The following KIAA1671 variants were observed in gnomAD, a reference collection of about 807,000 sequenced individuals.
The protein encoded by KIAA1671 is KIAA1671.
Under a neutral mutation model 131.2 loss-of-function variants are expected in KIAA1671, and 52 were observed. The observed-to-expected ratio is 0.40, with a 90% CI of 0.32 to 0.50. The LOEUF is 0.50. Ranked by LOEUF, KIAA1671 falls within the 20% of genes least tolerant of loss-of-function variation. KIAA1671 has a pLI of 0.73. For missense variants in KIAA1671, 2,360 were observed against 2,364.2 expected (o/e 1.00, Z 0.04); for synonymous variants, 1,003 against 961.6 (o/e 1.04, Z -0.80).
chr22:24,955,649 C>T (rs1309955337), intron 1 of KIAA1671, among the ~76,000 whole-genome samples: 1 of 152,114 alleles, frequency 6.6e-6, no homozygotes, highest in Non-Finnish European at 1.5e-5. Flanking sequence ...TTTTGGGAAG[C>T]TTGCCCTGGC....
At chr22:25,173,751 C>G (rs995636314) in intron 7 of KIAA1671, among the ~76,000 whole-genome samples, 1 of 152,074 alleles carries the variant, frequency 6.6e-6, no homozygotes, top group Non-Finnish European at 1.5e-5. Context: ...TTATCAGAAC[C>G]AAGGGATCCA....
intron 6 of KIAA1671, chr22:25,112,564 C>T: frequency 2.5e-6 from 1 of 396,436 alleles, no homozygotes; most frequent in Non-Finnish European, 4.4e-6. Context: ...GGGGAAGTTA[C>T]TTCTTCCAGA....
intron 6 of KIAA1671, among the ~76,000 whole-genome samples, chr22:25,099,042 G>A (rs970098436): frequency 5.3e-5 from 8 of 152,182 alleles, no homozygotes; most frequent in Non-Finnish European, 1.0e-4. Context: ...TGGAAATGAC[G>A]GGGGTGGGGC....
At chr22:25,102,759 A>G (rs1192458701) in intron 6 of KIAA1671, 4 of 152,528 alleles carry the variant, frequency 2.6e-5, no homozygotes, top group East Asian at 1.9e-4. Context: ...AGTGTTAACT[A>G]TGTGCCAGCG....
At position 25,179,926 on chromosome 22, in the gene KIAA1671, G is replaced by A. The variant is rs184271266; in HGVS notation, c.5075-1773G>A. On this transcript the variant is annotated intron_variant, in intron 9 of 12. Coordinates refer to ENST00000358431, the MANE Select transcript of KIAA1671 (RefSeq NM_001145206.2). Reference sequence around the variant, plus strand: ...CTAAGGACTATTTTGGCTGCTTACCGTATCAAAACCTGAGCTGAATCTTGA... The same window carrying A: ...CTAAGGACTATTTTGGCTGCTTACCATATCAAAACCTGAGCTGAATCTTGA... Among the ~76,000 whole-genome samples, 76 of 152,254 alleles carry A rather than the reference G, an allele frequency of 5.0e-4. 1 individual carries two copies. Among genetic ancestry groups the A allele is most frequent in the East Asian group, 1.5e-3 (8 of 5,188 alleles).
At chr22:25,157,946 C>T (rs557239921) in intron 6 of KIAA1671, among the ~76,000 whole-genome samples, 130 of 152,174 alleles carry the variant, frequency 8.5e-4, no homozygotes, top group Non-Finnish European at 1.3e-3. Context: ...CTCAGCCTCC[C>T]GAGTAGCTGG....
At chr22:25,082,809 G>A (rs183352530) in intron 6 of KIAA1671, among the ~76,000 whole-genome samples, 272 of 152,182 alleles carry the variant, frequency 1.8e-3, no homozygotes, top group Middle Eastern at 6.8e-3. Context: ...CTCCAGCCTG[G>A]GTGACAGAGC....
intron 8 of KIAA1671, chr22:25,175,367 G>C: frequency 6.6e-6 from 1 of 152,208 alleles, no homozygotes; most frequent in East Asian, 1.9e-4. Flanking sequence ...TTCCCCAGAG[G>C]AGGAACACCG....
At position 25,095,984 on chromosome 22, in the gene KIAA1671, C is replaced by A. The variant is rs1042235736; in HGVS notation, c.4530+46620C>A. ...CAATAGCACTGTCCCTGGGATCAGACGGAGAGGGAGGATTTGGAGCTGCAG... is the reference window on the plus strand; with the variant it reads ...CAATAGCACTGTCCCTGGGATCAGAAGGAGAGGGAGGATTTGGAGCTGCAG... On this transcript the variant is annotated intron_variant, in intron 6 of 12. Transcript: ENST00000358431. Among the ~76,000 whole-genome samples, 5 of 152,276 alleles carry A rather than the reference C, an allele frequency of 3.3e-5. No homozygotes were observed. The East Asian group carries it at 9.7e-4, about 29-fold the overall frequency.
At chr22:25,121,539 G>A (rs1175850310) in intron 6 of KIAA1671, among the ~76,000 whole-genome samples, 1 of 152,138 alleles carries the variant, frequency 6.6e-6, no homozygotes, top group African/African-American at 2.4e-5. Context: ...AGTTGTAATG[G>A]TGTGCTGGTA....
intron 6 of KIAA1671, among the ~76,000 whole-genome samples, chr22:25,116,901 CA>C (rs1275879696): frequency 6.6e-6 from 1 of 152,156 alleles, no homozygotes; most frequent in Non-Finnish European, 1.5e-5. Flanking sequence ...CTTAAAATAT[CA>C]AGGGTCTGTC....
intron 1 of KIAA1671, among the ~76,000 whole-genome samples, chr22:24,971,042 C>T (rs1401002958): frequency 6.6e-6 from 1 of 152,216 alleles, no homozygotes; most frequent in Non-Finnish European, 1.5e-5. Flanking sequence ...ACTGTATCCT[C>T]TGCCTCCCGG....
chr22:25,033,881 A>G (rs1926440163), intron 4 of KIAA1671, among the ~76,000 whole-genome samples: 1 of 151,346 alleles, frequency 6.6e-6, no homozygotes, highest in East Asian at 2.0e-4. Flanking sequence ...TGCCTGGCCC[A>G]GTTTTTTTAA....
chr22:25,139,236 G>A (rs540724690), intron 6 of KIAA1671, among the ~76,000 whole-genome samples: 34 of 151,068 alleles, frequency 2.3e-4, no homozygotes, highest in African/African-American at 7.2e-4. Context: ...AGGGGGAGCC[G>A]AGGCCCCCCT....
At chr22:25,073,513 C>A (rs561036048) in intron 6 of KIAA1671, among the ~76,000 whole-genome samples, 1 of 152,320 alleles carries the variant, frequency 6.6e-6, no homozygotes, top group South Asian at 2.1e-4. Context: ...CTCATAGTCA[C>A]CTTTTATTTA....
In KIAA1671 at chr22:25,041,195, T is replaced by TCCAGGCAGTGGGG; in HGVS notation, c.4066_4078dup (p.Val1360AlafsTer15). The TCCAGGCAGTGGGG allele has an allele frequency of 6.4e-7, 1 of 1,551,708 alleles. No homozygotes were observed. Among genetic ancestry groups the TCCAGGCAGTGGGG allele is most frequent in the Non-Finnish European group, 8.7e-7 (1 of 1,146,998 alleles). On this transcript the variant is annotated frameshift_variant, in exon 5 of 13. Coordinates refer to ENST00000358431, the MANE Select transcript of KIAA1671 (RefSeq NM_001145206.2). LOFTEE classifies it high-confidence loss of function. ...AGTCAAAGCCCTCTGGTCGGGAGGA[T>TCCAGGCAGTGGGG]CCAGGCAGTGGGGTCAGGGTGTCAC...
At chr22:25,049,511 C>A in intron 6 of KIAA1671, 147 bp downstream of exon 6, 1 of 848,272 alleles carries the variant, frequency 1.2e-6, no homozygotes, top group Non-Finnish European at 1.8e-6. Context: ...TCTGGTGTCA[C>A]CTGACTAGCT....
At position 25,027,836 on chromosome 22, in the gene KIAA1671, T is replaced by A; in HGVS notation, c.-55-109T>A. Reference sequence around the variant, plus strand: ...GGGTGAGGTCAGCAGAGGGCTGTCGTATGGAATCTGGGGCTCAGGACTCTG... The same window carrying A: ...GGGTGAGGTCAGCAGAGGGCTGTCGAATGGAATCTGGGGCTCAGGACTCTG... On this transcript the variant is annotated intron_variant, in intron 2 of 12. Transcript: ENST00000358431. 3 of 586,206 alleles carry A rather than the reference T, an allele frequency of 5.1e-6. No homozygotes were observed. The South Asian group carries it at 8.1e-5, about 16-fold the overall frequency. The allele number at this position is 586,206 out of a possible 1,614,324, so 36.3% of individuals were successfully genotyped here. A position where few individuals can be genotyped will look rare whatever the true frequency, so the allele number is the denominator to read the frequency against.
intron 6 of KIAA1671, among the ~76,000 whole-genome samples, chr22:25,134,912 A>T (rs1932605405): frequency 1.3e-5 from 2 of 152,216 alleles, no homozygotes; most frequent in Non-Finnish European, 2.9e-5. Flanking sequence ...ATACAGGTAA[A>T]GCACTTAGCA....
Sources: gnomAD v4.1 joint callset for allele counts (sites outside exome capture counted in the v4.1 genomes callset) on GRCh38, gnomAD v4.1.1 for gene constraint, MANE v1.5 for transcripts, NCBI Gene and HGNC (gene_info 2026-07-23, HGNC 2026-07-21) for gene names.